The following COL4A3 variants were observed in gnomAD, a reference collection of about 807,000 sequenced individuals.
COL4A3 encodes collagen type IV alpha 3 chain.
In COL4A3, 135 loss-of-function variants were observed where a neutral mutation model predicts 217.4. That is an observed-to-expected ratio of 0.62 (90% CI 0.54 to 0.72). The LOEUF is 0.72. COL4A3 is among the 30% of genes least tolerant of loss of function. The pLI is 0.00. For missense variants in COL4A3, 1,868 were observed against 2,119.9 expected, an observed-to-expected ratio of 0.88 and a Z score of 2.33; for synonymous variants, 690 against 736.3, an observed-to-expected ratio of 0.94 and a Z score of 1.02.
intron 22 of COL4A3, 26 bp downstream of exon 22, chr2:227,266,535 T>C: frequency 6.5e-7 from 1 of 1,547,072 alleles, no homozygotes; most frequent in Non-Finnish European, 8.9e-7. Flanking sequence ...AATGTTGTAT[T>C]AGGATAAGCC....
rs201671013 is a variant in COL4A3, at chr2:227,308,946, T to C, written c.4510T>C (p.Phe1504Leu). The change falls in exon 49 of 52, where the codon TTC (phenylalanine) becomes CTC (leucine). Residue 1504 changes from phenylalanine (F) to leucine (L), a missense_variant. Phe to Leu is a conservative substitution (Grantham distance 22). Around this residue, in one of 2 missense-constraint regions of COL4A3, gnomAD observed 1,503 missense variants for 1,786.1 expected, o/e 0.84. Transcript: ENST00000396578. ...GCGATTTACCACAATGCCATTCTTA[T>C]TCTGCAATGTCAATGATGTATGTAA... ...LQRFTTMPFL[F>L]CNVNDVCNFA... 313 of 1,614,208 alleles carry C rather than the reference T, an allele frequency of 1.9e-4. 2 individuals are homozygous for C. Among genetic ancestry groups the C allele is most frequent in the Middle Eastern group, 1.2e-3 (7 of 6,058 alleles).
chr2:227,193,209 A>G (rs2066310416), intron 1 of COL4A3, among the ~76,000 whole-genome samples: 1 of 152,252 alleles, frequency 6.6e-6, no homozygotes, highest in Admixed American at 6.5e-5. Flanking sequence ...GACCACAAAG[A>G]AACAATGAAG....
At chr2:227,292,532 G>C (rs2072803972) in intron 37 of COL4A3, among the ~76,000 whole-genome samples, 1 of 152,208 alleles carries the variant, frequency 6.6e-6, no homozygotes, top group South Asian at 2.1e-4. Flanking sequence ...GAGAGTAACA[G>C]AGTAGTATAT....
chr2:227,205,710 A>ATTT lies in COL4A3; in HGVS notation c.88-32249_88-32247dup, dbSNP rs398105402. ...GACTATACAACTTAATTCAACAAAT[A>ATTT]TTTTTTTTTTTGAAATCGACTAAGT... On this transcript the variant is annotated intron_variant, in intron 1 of 51. Coordinates refer to ENST00000396578, the MANE Select transcript of COL4A3 (RefSeq NM_000091.5). Among the ~76,000 whole-genome samples, 389 of 149,666 alleles carry ATTT rather than the reference A, an allele frequency of 2.6e-3. 2 individuals are homozygous for ATTT. The highest frequency in any genetic ancestry group is 7.5e-3 in the African/African-American group (307 of 40,942).
At chr2:227,167,135 T>C (rs933209384) in intron 1 of COL4A3, among the ~76,000 whole-genome samples, 1 of 152,260 alleles carries the variant, frequency 6.6e-6, no homozygotes, top group African/African-American at 2.4e-5. Context: ...CCAAACAATG[T>C]ATAAGTGAGA....
At chr2:227,270,009 C>T (rs2071146092) in intron 24 of COL4A3, 29 bp downstream of exon 24, 1 of 1,588,938 alleles carries the variant, frequency 6.3e-7, no homozygotes, top group Non-Finnish European at 8.6e-7. Flanking sequence ...AAATCTTTAG[C>T]TTCAATTTGA....
chr2:227,192,692 G>A (rs1395595566), intron 1 of COL4A3, among the ~76,000 whole-genome samples: 1 of 152,164 alleles, frequency 6.6e-6, no homozygotes, highest in Non-Finnish European at 1.5e-5. Flanking sequence ...TGGGGAGAAG[G>A]TTAGGGGTGT....
chr2:227,205,933 C>T (rs992624173), intron 1 of COL4A3, among the ~76,000 whole-genome samples: 1 of 152,180 alleles, frequency 6.6e-6, no homozygotes, highest in South Asian at 2.1e-4. Flanking sequence ...AGCAGCTTAG[C>T]TGAGGCTTTA....
chr2:227,246,184 T>G, intron 6 of COL4A3, 168 bp downstream of exon 6: 1 of 674,790 alleles, frequency 1.5e-6, no homozygotes, highest in Non-Finnish European at 2.7e-6. Flanking sequence ...TTCTTCGCAT[T>G]CCTTGCTTTC....
Position 227,290,795 on chromosome 2 carries a change from G to A in COL4A3, c.3119G>A (p.Arg1040Lys), listed in dbSNP as rs187864249. 1 of 1,613,682 alleles carries A rather than the reference G, an allele frequency of 6.2e-7. No individual in the cohort carries two copies. ...GTLGFPGRAG[R>K]PGLPGIHGLQ... ...TTGGGATTCCCAGGTCGAGCAGGAA[G>A]ACCAGGCCTCCCAGGTATTCATGGT... The change falls in exon 37 of 52, where the codon AGA (arginine) becomes AAA (lysine). Residue 1040 changes from arginine (R) to lysine (K), a missense_variant. By Grantham distance (26) the Arg-to-Lys change is conservative. This residue lies in a region of COL4A3 where 1,503 missense variants were observed against 1,786.1 expected (regional missense o/e 0.84). Transcript: ENST00000396578.
At chr2:227,295,685 G>A (rs1488478245) in intron 41 of COL4A3, among the ~76,000 whole-genome samples, 4 of 152,186 alleles carry the variant, frequency 2.6e-5, no homozygotes, top group Non-Finnish European at 4.4e-5. Flanking sequence ...AGACACAGGA[G>A]TAATCCGAAT....
intron 23 of COL4A3, among the ~76,000 whole-genome samples, chr2:227,268,962 G>A (rs1258021785): frequency 1.3e-5 from 2 of 152,054 alleles, no homozygotes; most frequent in African/African-American, 4.8e-5. Context: ...TCTACATTTG[G>A]CCTATCCAGG....
chr2:227,209,854 A>C (rs768375209), intron 1 of COL4A3, among the ~76,000 whole-genome samples: 3 of 152,026 alleles, frequency 2.0e-5, no homozygotes, highest in Non-Finnish European at 2.9e-5. Flanking sequence ...AAAACAAACA[A>C]ACAAACAAAC....
intron 1 of COL4A3, among the ~76,000 whole-genome samples, chr2:227,173,050 T>C (rs896762293): frequency 6.6e-6 from 1 of 152,218 alleles, no homozygotes; most frequent in African/African-American, 2.4e-5. Flanking sequence ...GTCCGTAACA[T>C]TCTGCCCCTG....
chr2:227,310,684 A>T, intron 50 of COL4A3, 92 bp from the exon 51 acceptor site: 1 of 987,858 alleles, frequency 1.0e-6, no homozygotes. Flanking sequence ...CTTTACTCAC[A>T]GTTGCCCATT....
Position 227,290,856 on chromosome 2 carries a change from A to AGGTACAAGGCCAGGACCACCG in COL4A3, c.3183_3203dup (p.Thr1062_Gly1068dup). 1 of 1,613,482 alleles carries AGGTACAAGGCCAGGACCACCG rather than the reference A, an allele frequency of 6.2e-7. No individual in the cohort carries two copies. Among genetic ancestry groups the AGGTACAAGGCCAGGACCACCG allele is most frequent in the Non-Finnish European group, 8.5e-7 (1 of 1,179,890 alleles). On this transcript the variant is annotated inframe_insertion, in exon 37 of 52. Coordinates refer to ENST00000396578, the MANE Select transcript of COL4A3 (RefSeq NM_000091.5). ...ATAAGGGAGAGCCAGGTTATTCAGAAGGTACAAGGCCAGGACCACCGGGAC... is the reference window on the plus strand; with the variant it reads ...ATAAGGGAGAGCCAGGTTATTCAGAAGGTACAAGGCCAGGACCACCGGGTACAAGGCCAGGACCACCGGGAC...
chr2:227,208,781 C>G (rs890931892), intron 1 of COL4A3, among the ~76,000 whole-genome samples: 2 of 145,702 alleles, frequency 1.4e-5, no homozygotes, highest in African/African-American at 2.6e-5. Context: ...CACACACACA[C>G]ACACACACAC....
intron 1 of COL4A3, among the ~76,000 whole-genome samples, chr2:227,192,844 G>A (rs1050518359): frequency 3.9e-5 from 6 of 152,008 alleles, no homozygotes; most frequent in African/African-American, 1.5e-4. Context: ...AGAAAATTTT[G>A]TTTTGTTTTT....
At chr2:227,193,590 T>C (rs549180847) in intron 1 of COL4A3, among the ~76,000 whole-genome samples, 1 of 149,448 alleles carries the variant, frequency 6.7e-6, no homozygotes, top group Non-Finnish European at 1.5e-5. Flanking sequence ...TGCATGCCTG[T>C]AATCCCAGCT....
Sources: gnomAD v4.1 joint callset for allele counts (sites outside exome capture counted in the v4.1 genomes callset) on GRCh38, gnomAD v4.1.1 for gene constraint, gnomAD v4.1.1 regional missense constraint, MANE v1.5 for transcripts, NCBI Gene and HGNC (gene_info 2026-07-23, HGNC 2026-07-21) for gene names.